Variants in COL25A1 observed in about 807,000 individuals in gnomAD.
COL25A1 encodes collagen alpha-1(XXV) chain.
In COL25A1, 103 loss-of-function variants were observed where a neutral mutation model predicts 128.4. That is an observed-to-expected ratio of 0.80 (90% CI 0.68 to 0.94). The LOEUF is 0.94. Among genes scored for constraint, COL25A1 ranks in the 40% least tolerant of loss-of-function variants. COL25A1 has a pLI of 0.00. For synonymous variants in COL25A1, 279 were observed against 277.2 expected (o/e 1.01, Z -0.06); for missense variants, 745 against 840.0 (o/e 0.89, Z 1.40).
At position 109,301,652 on chromosome 4, in the gene COL25A1, G is replaced by A; in HGVS notation, c.297+71C>T. The A allele has an allele frequency of 2.6e-6, 4 of 1,524,158 alleles. No individual in the cohort carries two copies. In the Middle Eastern group the frequency reaches 5.2e-4, roughly 199 times the overall value. The allele number at this position is 1,524,158 out of a possible 1,614,324, so 94.4% of individuals were successfully genotyped here. A position where few individuals can be genotyped will look rare whatever the true frequency, so the allele number is the denominator to read the frequency against. ...AAGTATGGGTACAGTAAGGGTAGCGGCTAGTCATGCACACAGAGTCACGCT... is the reference window on the plus strand; with the variant it reads ...AAGTATGGGTACAGTAAGGGTAGCGACTAGTCATGCACACAGAGTCACGCT... On this transcript the variant is annotated intron_variant, in intron 2 of 37. Transcript: ENST00000399132.
intron 8 of COL25A1, among the ~76,000 whole-genome samples, chr4:108,947,181 T>C (rs1017295595): frequency 1.3e-5 from 2 of 152,074 alleles, no homozygotes; most frequent in Non-Finnish European, 2.9e-5. Flanking sequence ...CGGTGGCTCA[T>C]GCCTATAATC....
intron 3 of COL25A1, among the ~76,000 whole-genome samples, chr4:109,254,198 G>A (rs1780884377): frequency 6.6e-6 from 1 of 151,266 alleles, no homozygotes; most frequent in Non-Finnish European, 1.5e-5. Flanking sequence ...AGCCAGAAAA[G>A]ACTATGTATT....
intron 3 of COL25A1, among the ~76,000 whole-genome samples, chr4:109,197,372 T>A (rs1323109027): frequency 7.8e-6 from 1 of 128,896 alleles, no homozygotes; most frequent in African/African-American, 2.9e-5. Context: ...AAATATATAA[T>A]ATATATAATA....
intron 3 of COL25A1, among the ~76,000 whole-genome samples, chr4:109,191,166 T>C (rs1347268926): frequency 6.6e-6 from 1 of 152,212 alleles, no homozygotes; most frequent in African/African-American, 2.4e-5. Context: ...CCATGCTTCT[T>C]GGTTTTGTTT....
At chr4:109,126,454 T>C (rs989602204) in intron 3 of COL25A1, among the ~76,000 whole-genome samples, 1 of 152,140 alleles carries the variant, frequency 6.6e-6, no homozygotes, top group African/African-American at 2.4e-5. Context: ...CATTACCATA[T>C]CACCATGTCA....
rs1730763002 is a variant in COL25A1, at chr4:108,811,170, T to C, written c.*2757A>G. 1 of 152,096 alleles carries C rather than the reference T, an allele frequency of 6.6e-6. No homozygotes were observed. The highest frequency in any genetic ancestry group is 1.5e-5 in the Non-Finnish European group (1 of 67,924). 9.4% of individuals were successfully genotyped at this position (152,096 alleles called of 1,614,324 possible). On this transcript the variant is annotated 3_prime_UTR_variant, in exon 38 of 38. Transcript: ENST00000399132. ...ACTTAGAAATTATTTAAGAATTCTC[T>C]ATATGACAAAATGGATGCTTGAAAA...
intron 24 of COL25A1, 145 bp from the exon 25 acceptor site, chr4:108,853,070 T>C: frequency 1.6e-6 from 1 of 634,086 alleles, no homozygotes; most frequent in East Asian, 2.8e-5. Flanking sequence ...TGAGAACATA[T>C]TACCCTATCT....
At position 109,243,435 on chromosome 4, in the gene COL25A1, T is replaced by A. The variant is rs540747604; in HGVS notation, c.367+57148A>T. Reference sequence around the variant, plus strand: ...TAGTTACTCTTTATCCTAAAAAAAATTTTTTTTTTAAATCCATACCTAAGT... The same window carrying A: ...TAGTTACTCTTTATCCTAAAAAAAAATTTTTTTTTAAATCCATACCTAAGT... On this transcript the variant is annotated intron_variant, in intron 3 of 37. Coordinates refer to ENST00000399132, the MANE Select transcript of COL25A1 (RefSeq NM_198721.4). 2.9e-3 allele frequency among the ~76,000 whole-genome samples: 428 copies of A among 149,174 alleles called. 4 individuals are homozygous for A. Among genetic ancestry groups the A allele is most frequent in the African/African-American group, 9.0e-3 (357 of 39,596 alleles).
intron 23 of COL25A1, 134 bp from the exon 24 acceptor site, chr4:108,859,867 A>G: frequency 1.7e-6 from 1 of 594,738 alleles, no homozygotes; most frequent in Non-Finnish European, 3.0e-6. Flanking sequence ...TGTACTTTAG[A>G]ATATATAAAT....
rs747174501 is a variant in COL25A1 at position 108,827,157 on chromosome 4, G to T, written c.1742C>A (p.Pro581Gln). ...CACAGGCAGCCCATAGGGCCCTCTT[G>T]GTCCAGGCTCTCCCATAGCTCCTTT... ...GEKGAMGEPG[P>Q]RGPYGLPGKD... Residue 581 changes from proline (P) to glutamine (Q), a missense_variant, in exon 33 of 38, where the codon CCA (proline) becomes CAA (glutamine). This residue lies in a region of COL25A1 where 387 missense variants were observed against 441.9 expected (regional missense o/e 0.88). Coordinates refer to ENST00000399132, the MANE Select transcript of COL25A1 (RefSeq NM_198721.4). 1.9e-6 allele frequency: 3 copies of T among 1,613,864 alleles called. No homozygotes were observed. The highest frequency in any genetic ancestry group is 2.2e-5 in the South Asian group (2 of 91,008).
chr4:108,923,742 T>C (rs1248962141), intron 11 of COL25A1, among the ~76,000 whole-genome samples: 1 of 152,206 alleles, frequency 6.6e-6, no homozygotes, highest in Non-Finnish European at 1.5e-5. Flanking sequence ...AAACGAATGC[T>C]GATTATTCCC....
intron 3 of COL25A1, among the ~76,000 whole-genome samples, chr4:109,206,195 C>T (rs1402637809): frequency 6.6e-6 from 1 of 152,070 alleles, no homozygotes; most frequent in Admixed American, 6.6e-5. Flanking sequence ...ACACCTTACC[C>T]ATAATAAATA....
At chr4:109,298,365 T>C (rs1052328261) in intron 3 of COL25A1, among the ~76,000 whole-genome samples, 1 of 152,148 alleles carries the variant, frequency 6.6e-6, no homozygotes, top group African/African-American at 2.4e-5. Flanking sequence ...CAACACATCA[T>C]TGCTTCTTTG....
chr4:109,023,166 T>A (rs751773774), intron 5 of COL25A1, among the ~76,000 whole-genome samples: 1 of 152,206 alleles, frequency 6.6e-6, no homozygotes, highest in South Asian at 2.1e-4. Flanking sequence ...GTGACATGCA[T>A]CTTGATGTAA....
chr4:109,227,292 C>T (rs1073666), intron 3 of COL25A1, among the ~76,000 whole-genome samples: 70,973 of 151,924 alleles, frequency 0.47, 19,925 homozygotes, highest in African/African-American at 0.78. Context: ...TAGAACTCTC[C>T]AAAATTATTT....
At chr4:109,142,682 G>T (rs1770530718) in intron 3 of COL25A1, among the ~76,000 whole-genome samples, 1 of 151,380 alleles carries the variant, frequency 6.6e-6, no homozygotes, top group African/African-American at 2.4e-5. Flanking sequence ...GTCTTTTTTT[G>T]ATCTTTGTTG....
At chr4:108,897,043 T>G (rs1386954552) in intron 15 of COL25A1, among the ~76,000 whole-genome samples, 1 of 152,178 alleles carries the variant, frequency 6.6e-6, no homozygotes, top group Non-Finnish European at 1.5e-5. Context: ...TCCTGACAGT[T>G]CCCTGAATAT....
chr4:109,092,264 C>T (rs535400751), intron 3 of COL25A1, among the ~76,000 whole-genome samples: 1 of 152,186 alleles, frequency 6.6e-6, no homozygotes, highest in African/African-American at 2.4e-5. Flanking sequence ...TTGCTTAAGG[C>T]CAGGAATTCA....
At chr4:109,068,751 C>A (rs1762671724) in intron 3 of COL25A1, among the ~76,000 whole-genome samples, 1 of 152,092 alleles carries the variant, frequency 6.6e-6, no homozygotes, top group Non-Finnish European at 1.5e-5. Context: ...TAAATATGAC[C>A]TCACGAAGTA....
Sources: allele counts gnomAD v4.1 joint callset (sites outside exome capture counted in the v4.1 genomes callset), GRCh38; gene constraint gnomAD v4.1.1; regional missense constraint gnomAD v4.1.1; transcripts MANE v1.5; gene names NCBI Gene and HGNC (gene_info 2026-07-23, HGNC 2026-07-21).